The following DNM3 variants were observed in gnomAD, a reference collection of about 807,000 sequenced individuals.
DNM3 encodes the protein dynamin 3, also known as dynamin-3.
In DNM3, 47 loss-of-function variants were observed where a neutral mutation model predicts 101.6. That is an observed-to-expected ratio of 0.46 (90% CI 0.37 to 0.59). The LOEUF is 0.59. Ranked by LOEUF, DNM3 falls within the 20% of genes least tolerant of loss-of-function variation. The pLI is 0.00. For synonymous variants in DNM3, 385 were observed against 387.9 expected (o/e 0.99, Z 0.09); for missense variants, 849 against 1,085.7 (o/e 0.78, Z 3.06).
chr1:172,258,974 T>G (rs2062533945), intron 15 of DNM3, among the ~76,000 whole-genome samples: 3 of 152,088 alleles, frequency 2.0e-5, no homozygotes, highest in Admixed American at 2.0e-4. Flanking sequence ...CAAGAAATTT[T>G]TAAATTTTCT....
At chr1:171,980,521 C>A (rs1409181548) in intron 2 of DNM3, among the ~76,000 whole-genome samples, 1 of 151,974 alleles carries the variant, frequency 6.6e-6, no homozygotes, top group Non-Finnish European at 1.5e-5. Context: ...CTGTAGTTCC[C>A]CTTCAGTGCT....
chr1:171,912,417 T>TTGTC (rs1453851494), intron 1 of DNM3, among the ~76,000 whole-genome samples: 7 of 152,128 alleles, frequency 4.6e-5, no homozygotes, highest in Admixed American at 1.3e-4. Flanking sequence ...GCTTAAATCA[T>TTGTC]TGTCTGTCTG....
downstream of DNM3, among the ~76,000 whole-genome samples, chr1:172,417,336 A>G (rs1198401406): frequency 6.6e-6 from 1 of 152,190 alleles, no homozygotes; most frequent in African/African-American, 2.4e-5. Flanking sequence ...CTGTTTTCCT[A>G]CTTACAAAGC....
chr1:172,390,356 C>T (rs983190568), intron 20 of DNM3, among the ~76,000 whole-genome samples: 1 of 152,244 alleles, frequency 6.6e-6, no homozygotes, highest in African/African-American at 2.4e-5. Context: ...CAAGGCTGCT[C>T]AGCCAGTCCC....
intron 17 of DNM3, among the ~76,000 whole-genome samples, chr1:172,353,752 C>T (rs1242097554): frequency 6.6e-6 from 1 of 152,072 alleles, no homozygotes; most frequent in Non-Finnish European, 1.5e-5. Flanking sequence ...AATAAGTCTA[C>T]TTATATCATG....
chr1:172,070,539 T>C (rs1461754523), intron 11 of DNM3, among the ~76,000 whole-genome samples: 2 of 152,232 alleles, frequency 1.3e-5, no homozygotes, highest in Non-Finnish European at 2.9e-5. Flanking sequence ...TGTAATCATA[T>C]CTATGTCAGT....
chr1:172,359,641 C>A (rs184070997), intron 17 of DNM3, among the ~76,000 whole-genome samples: 2 of 142,150 alleles, frequency 1.4e-5, no homozygotes, highest in East Asian at 4.0e-4. Flanking sequence ...AAAAAAAAAA[C>A]CTTAAGTAGC....
chr1:172,117,695 C>A (rs1386759881), intron 13 of DNM3, among the ~76,000 whole-genome samples: 1 of 152,150 alleles, frequency 6.6e-6, no homozygotes, highest in Non-Finnish European at 1.5e-5. Context: ...CCACAAGTAT[C>A]ATCTTTAATC....
chr1:172,346,122 C>CAAAAAAA (rs554868535), intron 17 of DNM3, among the ~76,000 whole-genome samples: 15 of 92,142 alleles, frequency 1.6e-4, no homozygotes, highest in Non-Finnish European at 2.4e-4. Context: ...GACTCCGTCT[C>CAAAAAAA]AAAAAAAAAA....
intron 4 of DNM3, among the ~76,000 whole-genome samples, chr1:171,998,692 G>A (rs2046170647): frequency 6.6e-6 from 1 of 152,058 alleles, no homozygotes; most frequent in Admixed American, 6.6e-5. Context: ...AGAAAAATAA[G>A]TGCTGCAAAG....
intron 1 of DNM3, among the ~76,000 whole-genome samples, chr1:171,908,270 A>G (rs1251747136): frequency 1.3e-5 from 2 of 152,196 alleles, no homozygotes; most frequent in Non-Finnish European, 2.9e-5. Context: ...TCTTGAAAAC[A>G]TACACTGCAG....
intron 14 of DNM3, among the ~76,000 whole-genome samples, chr1:172,220,001 A>G (rs2060849703): frequency 6.6e-6 from 1 of 152,202 alleles, no homozygotes; most frequent in South Asian, 2.1e-4. Context: ...AGCTGTGTAG[A>G]GTAAGGGAAA....
At chr1:171,910,011 G>A (rs1230032503) in intron 1 of DNM3, among the ~76,000 whole-genome samples, 1 of 152,198 alleles carries the variant, frequency 6.6e-6, no homozygotes, top group African/African-American at 2.4e-5. Flanking sequence ...GTTGGAATGT[G>A]TGTTGATTCT....
intron 4 of DNM3, among the ~76,000 whole-genome samples, chr1:171,999,639 C>T (rs563785616): frequency 6.6e-6 from 1 of 152,136 alleles, no homozygotes; most frequent in African/African-American, 2.4e-5. Flanking sequence ...TACTCTCCCC[C>T]ATCCCATACC....
intron 15 of DNM3, among the ~76,000 whole-genome samples, chr1:172,255,287 A>C (rs1486906517): frequency 6.6e-6 from 1 of 152,174 alleles, no homozygotes; most frequent in African/African-American, 2.4e-5. Context: ...AATAGTAGTG[A>C]GTCTGCCACA....
chr1:171,901,279 G>A (rs1180429365), intron 1 of DNM3, among the ~76,000 whole-genome samples: 1 of 151,898 alleles, frequency 6.6e-6, no homozygotes, highest in Non-Finnish European at 1.5e-5. Context: ...CAGCATTTTC[G>A]CACTCTTGAT....
chr1:171,913,532 T>TGTA (rs1185828366), intron 1 of DNM3, among the ~76,000 whole-genome samples: 3 of 152,308 alleles, frequency 2.0e-5, no homozygotes, highest in African/African-American at 7.2e-5. Context: ...AAAATTGCAT[T>TGTA]GTAATGGTTG....
Position 172,411,800 on chromosome 1 carries a change from A to G in DNM3, c.*3959A>G. On this transcript the variant is annotated 3_prime_UTR_variant, in exon 21 of 21. Transcript: ENST00000627582. The stretch of plus-strand genomic sequence containing the variant: ...ATGAGACTTAAGCCATGAGTTTTGT[A>G]TCATTTCAATTAGAAGACTACTAGC... 1.0e-6 allele frequency: 1 copy of G among 985,712 alleles called. No homozygotes were observed. Among genetic ancestry groups the G allele is most frequent in the Non-Finnish European group, 1.2e-6 (1 of 829,848 alleles). The allele number at this position is 985,712 out of a possible 1,614,324, so 61.1% of individuals were successfully genotyped here.
intron 4 of DNM3, among the ~76,000 whole-genome samples, chr1:171,995,527 C>T (rs2045942796): frequency 6.6e-6 from 1 of 152,098 alleles, no homozygotes; most frequent in African/African-American, 2.4e-5. Context: ...TTCTTACTGC[C>T]TTTATGGAGA....
Sources: allele counts gnomAD v4.1 joint callset (sites outside exome capture counted in the v4.1 genomes callset), GRCh38; gene constraint gnomAD v4.1.1; transcripts MANE v1.5; gene names NCBI Gene and HGNC (gene_info 2026-07-23, HGNC 2026-07-21).